The following CAMK2D variants were observed in gnomAD, a reference collection of about 807,000 sequenced individuals.
CAMK2D encodes the protein calcium/calmodulin dependent protein kinase II delta.
Under a neutral mutation model 84.0 loss-of-function variants are expected in CAMK2D, and 37 were observed. That is an observed-to-expected ratio of 0.44 (90% CI 0.34 to 0.58). CAMK2D has a LOEUF of 0.58. CAMK2D is among the 20% of genes least tolerant of loss of function. The pLI is 0.02. For missense variants in CAMK2D, 448 were observed against 652.5 expected (o/e 0.69, Z 3.41); for synonymous variants, 202 against 212.5 (o/e 0.95, Z 0.43).
chr4:113,653,127 T>C (rs2099182497), intron 3 of CAMK2D, among the ~76,000 whole-genome samples: 1 of 152,026 alleles, frequency 6.6e-6, no homozygotes, highest in South Asian at 2.1e-4. Context: ...TTTAACTTTC[T>C]ACCAAGAATT....
intron 2 of CAMK2D, among the ~76,000 whole-genome samples, chr4:113,704,225 A>T (rs1044293095): frequency 6.6e-6 from 1 of 152,068 alleles, no homozygotes; most frequent in Non-Finnish European, 1.5e-5. Context: ...TAATCTAACA[A>T]GCTTCTCAGA....
At chr4:113,634,991 A>G (rs2099104423) in intron 3 of CAMK2D, among the ~76,000 whole-genome samples, 1 of 152,214 alleles carries the variant, frequency 6.6e-6, no homozygotes, top group Non-Finnish European at 1.5e-5. Context: ...ATATCAGAGC[A>G]AGGCGGCAAT....
At chr4:113,593,013 C>T (rs1244825889) in intron 4 of CAMK2D, among the ~76,000 whole-genome samples, 1 of 152,126 alleles carries the variant, frequency 6.6e-6, no homozygotes, top group African/African-American at 2.4e-5. Context: ...GCCACCATGC[C>T]TGGCAAATTT....
At chr4:113,745,557 T>C (rs865810265) in intron 2 of CAMK2D, among the ~76,000 whole-genome samples, 10 of 152,222 alleles carry the variant, frequency 6.6e-5, no homozygotes, top group Non-Finnish European at 1.3e-4. Flanking sequence ...ACAGGCATAA[T>C]ACAAATAGTT....
chr4:113,530,994 G>T (rs1299958051), intron 8 of CAMK2D, among the ~76,000 whole-genome samples: 1 of 152,220 alleles, frequency 6.6e-6, no homozygotes, highest in East Asian at 1.9e-4. Context: ...TGAGGCAGGA[G>T]AATTGCTTAA....
At chr4:113,528,234 A>C (rs2098435304) in intron 8 of CAMK2D, among the ~76,000 whole-genome samples, 2 of 152,176 alleles carry the variant, frequency 1.3e-5, no homozygotes, top group Non-Finnish European at 2.9e-5. Flanking sequence ...ACTTTGTATA[A>C]TAATAGCAAT....
At chr4:113,728,667 G>T (rs1374336703) in intron 2 of CAMK2D, among the ~76,000 whole-genome samples, 1 of 152,138 alleles carries the variant, frequency 6.6e-6, no homozygotes, top group Non-Finnish European at 1.5e-5. Context: ...TGTGGTATCA[G>T]AAAGAACTAG....
chr4:113,626,871 AG>A (rs2099070327), intron 3 of CAMK2D, among the ~76,000 whole-genome samples: 1 of 152,198 alleles, frequency 6.6e-6, no homozygotes, highest in Non-Finnish European at 1.5e-5. Context: ...ATATTGGTTA[AG>A]AAGGGCAATT....
intron 2 of CAMK2D, among the ~76,000 whole-genome samples, chr4:113,690,311 C>T (rs915418665): frequency 1.3e-5 from 2 of 152,146 alleles, no homozygotes; most frequent in Admixed American, 1.3e-4. Context: ...TCCATAACTT[C>T]TACTACTCGG....
At chr4:113,715,736 T>C (rs2099511443) in intron 2 of CAMK2D, among the ~76,000 whole-genome samples, 1 of 152,184 alleles carries the variant, frequency 6.6e-6, no homozygotes, top group Non-Finnish European at 1.5e-5. Context: ...ATACAGCTGA[T>C]TGTGTAACAA....
At chr4:113,661,821 A>C (rs775806166) in intron 2 of CAMK2D, 49 bp from the exon 3 acceptor site, 1 of 884,944 alleles carries the variant, frequency 1.1e-6, no homozygotes, top group South Asian at 1.6e-5. Context: ...AAAAAATAAT[A>C]AAACACAATA....
chr4:113,741,236 G>C (rs879552104), intron 2 of CAMK2D, among the ~76,000 whole-genome samples: 5 of 152,118 alleles, frequency 3.3e-5, no homozygotes, highest in Middle Eastern at 3.2e-3. Context: ...AAAGGTGAAA[G>C]TTCTCCCCTT....
At chr4:113,714,822 T>C (rs191217323) in intron 2 of CAMK2D, among the ~76,000 whole-genome samples, 57 of 152,286 alleles carry the variant, frequency 3.7e-4, no homozygotes, top group Admixed American at 3.7e-3. Context: ...ATGTGTATGT[T>C]TTTCTCCTGT....
intron 2 of CAMK2D, among the ~76,000 whole-genome samples, chr4:113,710,636 G>A (rs534140914): frequency 6.6e-6 from 1 of 152,294 alleles, no homozygotes; most frequent in South Asian, 2.1e-4. Context: ...ACAAGTCTTA[G>A]ATCTTGTGTG....
chr4:113,621,133 G>A (rs2099044424), intron 3 of CAMK2D, among the ~76,000 whole-genome samples: 1 of 151,956 alleles, frequency 6.6e-6, no homozygotes, highest in Admixed American at 6.6e-5. Context: ...CGTTGTCTTG[G>A]CTTGTGATTT....
chr4:113,513,749 C>T lies in CAMK2D; in HGVS notation c.903+81G>A. 3 of 682,690 alleles carry T rather than the reference C, an allele frequency of 4.4e-6. No individual in the cohort carries two copies. The South Asian group carries it at 5.4e-5, about 12-fold the overall frequency. The allele number at this position is 682,690 out of a possible 1,614,324, so 42.3% of individuals were successfully genotyped here. A position where few individuals can be genotyped will look rare whatever the true frequency, so the allele number is the denominator to read the frequency against. ...AGGTCTACATAATTGAAAGCCTTTGCTAGAAGTTATTTTCCTCACACAGTA... is the reference window on the plus strand; with the variant it reads ...AGGTCTACATAATTGAAAGCCTTTGTTAGAAGTTATTTTCCTCACACAGTA... On this transcript the variant is annotated intron_variant, in intron 11 of 20. Coordinates refer to ENST00000511664, the MANE Select transcript of CAMK2D (RefSeq NM_001321571.2).
In CAMK2D at chr4:113,478,048, T is replaced by C. The variant is rs72903994; in HGVS notation, c.1136-12444A>G. Among the ~76,000 whole-genome samples, 629 of 152,204 alleles carry C rather than the reference T, an allele frequency of 4.1e-3. 8 individuals are homozygous for C. The highest frequency in any genetic ancestry group is 0.014 in the African/African-American group (587 of 41,528). Reference sequence around the variant, plus strand: ...TTAATAAGTAATTAATATTCCACACTTAGGAAATCTGCATTTATATTATAT... The same window carrying C: ...TTAATAAGTAATTAATATTCCACACCTAGGAAATCTGCATTTATATTATAT... On this transcript the variant is annotated intron_variant, in intron 16 of 20. Transcript: ENST00000511664.
chr4:113,531,647 T>C (rs1481330167), intron 7 of CAMK2D, among the ~76,000 whole-genome samples: 4 of 152,148 alleles, frequency 2.6e-5, no homozygotes, highest in Non-Finnish European at 5.9e-5. Flanking sequence ...AAAAGAAATA[T>C]GGAGAAGAAC....
intron 3 of CAMK2D, among the ~76,000 whole-genome samples, chr4:113,642,950 A>G (rs887171811): frequency 3.9e-5 from 6 of 152,198 alleles, no homozygotes; most frequent in Non-Finnish European, 7.4e-5. Flanking sequence ...ATGCTAAACT[A>G]TATCTATAAA....
Sources: gnomAD v4.1 joint callset for allele counts (sites outside exome capture counted in the v4.1 genomes callset) on GRCh38, gnomAD v4.1.1 for gene constraint, MANE v1.5 for transcripts, NCBI Gene and HGNC (gene_info 2026-07-23, HGNC 2026-07-21) for gene names.